CDH17: variants seen among roughly 807,000 people sequenced by gnomAD.
The protein encoded by CDH17 is cadherin-17.
In CDH17, 67 loss-of-function variants were observed where a neutral mutation model predicts 86.3. The ratio of observed to expected loss-of-function variants is 0.78; its 90% confidence interval spans 0.64 to 0.95. The LOEUF (loss-of-function observed/expected upper bound fraction) is 0.95. Ranked by LOEUF, CDH17 falls within the 40% of genes least tolerant of loss-of-function variation. The pLI, the probability that CDH17 is intolerant of heterozygous loss-of-function variation, is 0.00. For missense variants in CDH17, 993 were observed against 1,017.6 expected, an observed-to-expected ratio of 0.98 and a Z score of 0.33; for synonymous variants, 367 against 366.4, an observed-to-expected ratio of 1.00 and a Z score of -0.02.
intron 1 of CDH17, chr8:94,202,668 T>A (rs532308841): frequency 4.4e-4 from 68 of 155,430 alleles, no homozygotes; most frequent in Non-Finnish European, 8.0e-4. Context: ...CTCCAAGTTT[T>A]CTCACATGCT....
chr8:94,183,651 G>T (rs1451065674), intron 3 of CDH17, among the ~76,000 whole-genome samples: 2 of 152,044 alleles, frequency 1.3e-5, no homozygotes, highest in Non-Finnish European at 2.9e-5. Flanking sequence ...GACCCCGAAT[G>T]AGGAAATGGT....
chr8:94,176,674 T>G lies in CDH17; in HGVS notation c.291A>C (p.Ala97=). 2.5e-6 allele frequency: 4 copies of G among 1,611,058 alleles called. No homozygotes were observed. The highest frequency in any genetic ancestry group is 3.4e-6 in the Non-Finnish European group (4 of 1,178,870). The part of the protein sequence containing the change: ...ETRSTHNLQV[A]ALDANGIIVE... ...CTATAATTCCATTAGCGTCCAGGGC[T>G]GCAACCTGATGTTGAGGAAAAGGAA... The change falls in exon 5 of 18, where the codon GCA becomes GCC. Residue 97 remains alanine (A), a synonymous_variant. Coordinates refer to ENST00000027335, the MANE Select transcript of CDH17 (RefSeq NM_004063.4).
chr8:94,204,786 G>C (rs1436733226), intron 1 of CDH17, among the ~76,000 whole-genome samples: 1 of 152,150 alleles, frequency 6.6e-6, no homozygotes, highest in Non-Finnish European at 1.5e-5. Flanking sequence ...CCCCAAGACA[G>C]AGCAAGGGAA....
rs139589295 is a variant in CDH17 at position 94,146,140 on chromosome 8, T to A, written c.1955A>T (p.Glu652Val). 4 of 1,595,616 alleles carry A rather than the reference T, an allele frequency of 2.5e-6. No homozygotes were observed. Among genetic ancestry groups the A allele is most frequent in the Non-Finnish European group, 3.4e-6 (4 of 1,170,900 alleles). Reference protein sequence around the residue: ...VGGSSLSSVSEFHLILMDVND... With the variant: ...VGGSSLSSVSVFHLILMDVND... ...CACATCCATAAGGATCAGGTGGAAC[T>A]CTGACACAGAGCTCAAGGAAGACCC... Residue 652 changes from glutamate (E) to valine (V), a missense_variant, in exon 15 of 18, where the codon GAG becomes GTG. Glu to Val is a moderately radical substitution (Grantham distance 121, BLOSUM62 -2). Coordinates refer to ENST00000027335, the MANE Select transcript of CDH17 (RefSeq NM_004063.4).
chr8:94,210,953 G>C (rs1814112668), upstream of CDH17, among the ~76,000 whole-genome samples: 1 of 151,294 alleles, frequency 6.6e-6, no homozygotes, highest in African/African-American at 2.4e-5. Context: ...CCTGGGAGGT[G>C]GAGGTTGCAT....
chr8:94,189,397 T>C, intron 2 of CDH17, 112 bp from the exon 3 acceptor site: 4 of 721,830 alleles, frequency 5.5e-6, no homozygotes, highest in South Asian at 5.5e-5. Context: ...CTATCATGGC[T>C]GAAATCTGAT....
chr8:94,160,841 G>A (rs1458909830), intron 11 of CDH17, among the ~76,000 whole-genome samples: 1 of 152,176 alleles, frequency 6.6e-6, no homozygotes, highest in Non-Finnish European at 1.5e-5. Context: ...CCACTTACGA[G>A]GAGCAAAGGC....
At chr8:94,174,558 T>C (rs1204981484) in intron 5 of CDH17, among the ~76,000 whole-genome samples, 1 of 152,204 alleles carries the variant, frequency 6.6e-6, no homozygotes, top group East Asian at 1.9e-4. Context: ...TGAATTGTAG[T>C]GTAAAAGAAT....
At chr8:94,216,787 T>A (rs934355749) in intron 1 of CDH17, among the ~76,000 whole-genome samples, 3 of 152,190 alleles carry the variant, frequency 2.0e-5, no homozygotes, top group Non-Finnish European at 4.4e-5. Flanking sequence ...TCTTTATCTC[T>A]AAAGAGAGGT....
intron 2 of CDH17, among the ~76,000 whole-genome samples, chr8:94,193,092 G>A (rs192485978): frequency 2.4e-3 from 358 of 152,184 alleles, no homozygotes; most frequent in Non-Finnish European, 4.0e-3. Context: ...TTTCACCTGG[G>A]TAAGGCACTG....
intron 2 of CDH17, among the ~76,000 whole-genome samples, chr8:94,191,719 G>T (rs567603910): frequency 2.0e-5 from 3 of 152,268 alleles, no homozygotes; most frequent in Non-Finnish European, 4.4e-5. Flanking sequence ...CTCCCAAAGT[G>T]CTGGGATTAC....
At chr8:94,177,827 T>A in intron 3 of CDH17, 106 bp from the exon 4 acceptor site, 1 of 1,049,970 alleles carries the variant, frequency 9.5e-7, no homozygotes, top group Non-Finnish European at 1.4e-6. Context: ...GTTCAATTAC[T>A]AAATAAGAAA....
rs762747034 is a variant in CDH17, at chr8:94,176,697, G to A, written c.286-18C>T. On this transcript the variant is annotated intron_variant, in intron 4 of 17. Transcript: ENST00000027335. ...GCTGCAACCTGATGTTGAGGAAAAG[G>A]AAACCATGTTGGTGAGACTGAACTT... 4 of 1,606,098 alleles carry A rather than the reference G, an allele frequency of 2.5e-6. No homozygotes were observed. The South Asian group carries it at 3.4e-5, about 13-fold the overall frequency.
At position 94,174,987 on chromosome 8, in the gene CDH17, C is replaced by T. The variant is rs572755297; in HGVS notation, c.425-727G>A. Among the ~76,000 whole-genome samples the T allele has an allele frequency of 2.6e-5, 4 of 152,154 alleles. No individual in the cohort carries two copies. In the South Asian group the frequency reaches 8.3e-4, roughly 32 times the overall value. On this transcript the variant is annotated intron_variant, in intron 5 of 17. Transcript: ENST00000027335. ...GTTGATAGATATAACCAGTGATGTA[C>T]TAGAGACAGCTCATGAGACTCAGTT...
In CDH17 at chr8:94,206,366, C is replaced by T. The variant is rs140674143; in HGVS notation, c.-21+2117G>A. Among the ~76,000 whole-genome samples the T allele has an allele frequency of 2.7e-3, 417 of 152,284 alleles. 3 individuals carry two copies. Among genetic ancestry groups the T allele is most frequent in the African/African-American group, 9.0e-3 (375 of 41,564 alleles). ...GGATAATCAACGAGCAGTTACAGAA[C>T]AACTAGCCCCATTCTAAATCTGATA... On this transcript the variant is annotated intron_variant, in intron 1 of 17. Transcript: ENST00000027335.
rs1490855742 is a variant in CDH17, at chr8:94,170,875, C to T, written c.894G>A (p.Leu298=). The T allele has an allele frequency of 1.2e-6, 2 of 1,613,588 alleles. No homozygotes were observed. The highest frequency in any genetic ancestry group is 1.7e-6 in the Non-Finnish European group (2 of 1,179,822). The change falls in exon 8 of 18, where the codon TTG becomes TTA. Residue 298 remains leucine (L), a synonymous_variant. Coordinates refer to ENST00000027335, the MANE Select transcript of CDH17 (RefSeq NM_004063.4). ...QEGDIYVTQP[L]DREEKDAYVF... ...TCACTGCATCCTTTTCTTCTCGGTCCAAGGGCTGAGTCACGTAAATATCTC... is the reference window on the plus strand; with the variant it reads ...TCACTGCATCCTTTTCTTCTCGGTCTAAGGGCTGAGTCACGTAAATATCTC...
At chr8:94,171,523 C>T (rs1813269300) in intron 7 of CDH17, among the ~76,000 whole-genome samples, 1 of 152,134 alleles carries the variant, frequency 6.6e-6, no homozygotes, top group African/African-American at 2.4e-5. Flanking sequence ...CTGCCAACTC[C>T]TAGGGTTGTT....
chr8:94,156,363 G>A (rs1198936632), intron 12 of CDH17, among the ~76,000 whole-genome samples: 2 of 152,104 alleles, frequency 1.3e-5, no homozygotes, highest in African/African-American at 4.8e-5. Context: ...ATCAGCCATA[G>A]TAGAGAAGTG....
upstream of CDH17, among the ~76,000 whole-genome samples, chr8:94,210,066 T>TGGGGAC (rs1365997320): frequency 6.6e-6 from 1 of 151,988 alleles, no homozygotes; most frequent in Non-Finnish European, 1.5e-5. Context: ...TTCCAGTTTA[T>TGGGGAC]AGACAGAAAA....
Sources: allele counts gnomAD v4.1 joint callset (sites outside exome capture counted in the v4.1 genomes callset), GRCh38; gene constraint gnomAD v4.1.1; transcripts MANE v1.5; gene names NCBI Gene and HGNC (gene_info 2026-07-23, HGNC 2026-07-21).